Variants in PIK3C3 observed in about 807,000 individuals in gnomAD.
PIK3C3 encodes phosphatidylinositol 3-kinase catalytic subunit type 3, also known as PI3-kinase type 3.
PIK3C3 carries 95 observed loss-of-function variants against 126.1 expected under a neutral mutation model. That is an observed-to-expected ratio of 0.75 (90% confidence interval 0.64 to 0.89). The LOEUF (loss-of-function observed/expected upper bound fraction) is 0.89, where lower values mean the gene tolerates loss of function less well. Ranked by LOEUF, PIK3C3 falls within the 40% of genes least tolerant of loss-of-function variation. The pLI, the probability that PIK3C3 is intolerant of heterozygous loss-of-function variation, is 0.00. For missense variants in PIK3C3, 829 were observed against 1,063.2 expected (o/e 0.78, Z 3.06); for synonymous variants, 374 against 360.0 (o/e 1.04, Z -0.44).
chr18:41,979,006 G>A (rs953441765), intron 4 of PIK3C3, among the ~76,000 whole-genome samples: 1 of 146,648 alleles, frequency 6.8e-6, no homozygotes, highest in African/African-American at 2.5e-5. Flanking sequence ...GAGGCAGGAG[G>A]ATTGCTTGAG....
rs1332410051 is a variant in PIK3C3, at chr18:42,083,564, G to C, written c.*2427G>C. ...AGCAAAAATCATTCTCCATATGATA[G>C]TTTTAGATGTTCCCCAGCTCATTTG... On this transcript the variant is annotated 3_prime_UTR_variant, in exon 25 of 25. Transcript: ENST00000262039. The C allele has an allele frequency of 6.6e-6, 1 of 152,094 alleles. No individual in the cohort carries two copies. The highest frequency in any genetic ancestry group is 2.4e-5 in the African/African-American group (1 of 41,422). The allele number at this position is 152,094 out of a possible 1,614,324, so 9.4% of individuals were successfully genotyped here. A position where few individuals can be genotyped will look rare whatever the true frequency, so the allele number is the denominator to read the frequency against.
intron 20 of PIK3C3, among the ~76,000 whole-genome samples, chr18:42,044,215 G>A (rs1244438756): frequency 6.6e-6 from 1 of 152,158 alleles, no homozygotes; most frequent in African/African-American, 2.4e-5. Context: ...TTAAGAGGGT[G>A]CCCTTGTGGT....
intron 1 of PIK3C3, 48 bp downstream of exon 1, chr18:41,955,407 C>T (rs1249405215): frequency 2.6e-6 from 4 of 1,513,424 alleles, no homozygotes; most frequent in Middle Eastern, 1.9e-4. Flanking sequence ...GGCGTAGGGA[C>T]GTGGGGGCAG....
chr18:41,987,784 A>G (rs1161342525), intron 4 of PIK3C3, 28 bp from the exon 5 acceptor site: 1 of 1,531,164 alleles, frequency 6.5e-7, no homozygotes, highest in Non-Finnish European at 9.0e-7. Flanking sequence ...TGTATATTAA[A>G]ATTTTCGTCA....
intron 14 of PIK3C3, among the ~76,000 whole-genome samples, chr18:42,028,471 T>C (rs1245203646): frequency 1.3e-5 from 2 of 152,234 alleles, no homozygotes. Context: ...CATTAATCTG[T>C]GGCTTGCCGC....
At chr18:41,983,806 CT>C (rs1981328101) in intron 4 of PIK3C3, among the ~76,000 whole-genome samples, 1 of 152,082 alleles carries the variant, frequency 6.6e-6, no homozygotes, top group Admixed American at 6.5e-5. Flanking sequence ...TCTTTTTGTT[CT>C]TTCATTAAAT....
At chr18:42,073,541 A>C (rs1207256752) in intron 24 of PIK3C3, among the ~76,000 whole-genome samples, 1 of 152,180 alleles carries the variant, frequency 6.6e-6, no homozygotes, top group East Asian at 1.9e-4. Context: ...AGGTGATCCC[A>C]AAATTGAAAA....
intron 19 of PIK3C3, 24 bp downstream of exon 19, chr18:42,040,765 C>T: frequency 6.9e-7 from 1 of 1,444,152 alleles, no homozygotes; most frequent in Non-Finnish European, 9.7e-7. Context: ...AAAGATTATG[C>T]AATTCATGAA....
chr18:42,058,079 T>C (rs141552721), intron 22 of PIK3C3, 28 bp downstream of exon 22: 1 of 1,521,150 alleles, frequency 6.6e-7, no homozygotes, highest in Non-Finnish European at 8.8e-7. Context: ...GCACAGAGAA[T>C]TTGGGTAAAT....
chr18:41,977,765 G>C (rs1598860841), intron 4 of PIK3C3, among the ~76,000 whole-genome samples: 1 of 152,312 alleles, frequency 6.6e-6, no homozygotes, highest in Non-Finnish European at 1.5e-5. Flanking sequence ...AATTAGAAGT[G>C]TGAGCCACCA....
intron 21 of PIK3C3, chr18:42,053,136 A>G (rs778703824): frequency 6.6e-6 from 1 of 152,272 alleles, no homozygotes; most frequent in Admixed American, 6.5e-5. Flanking sequence ...GGGGACTTAA[A>G]CCAGACAAAC....
intron 9 of PIK3C3, among the ~76,000 whole-genome samples, chr18:42,000,107 G>A (rs180869465): frequency 4.1e-4 from 62 of 152,278 alleles, no homozygotes; most frequent in African/African-American, 1.3e-3. Context: ...AGGCTGGACT[G>A]CAATGGCATG....
At chr18:42,020,022 T>C (rs1028545716) in intron 12 of PIK3C3, among the ~76,000 whole-genome samples, 1 of 152,130 alleles carries the variant, frequency 6.6e-6, no homozygotes, top group Non-Finnish European at 1.5e-5. Flanking sequence ...TCTCCTAGTC[T>C]ACCGTAATAG....
chr18:42,061,815 G>A (rs1283727048), intron 22 of PIK3C3, among the ~76,000 whole-genome samples: 2 of 152,108 alleles, frequency 1.3e-5, no homozygotes, highest in Admixed American at 6.5e-5. Context: ...CAATAGAAGC[G>A]TGGATGGTTA....
At position 42,085,838 on chromosome 18, in the gene PIK3C3, C is replaced by T. The variant is rs1023520375; in HGVS notation, c.*4701C>T. On this transcript the variant is annotated 3_prime_UTR_variant, in exon 25 of 25. Transcript: ENST00000262039. ...GGCTGGCTCATGCCTGTAATGCCAG[C>T]ACTTTGGGAGGCCAAGGCAGGCAGA... is the stretch of plus-strand genomic sequence containing the variant. 4 of 152,222 alleles carry T rather than the reference C, an allele frequency of 2.6e-5. No homozygotes were observed. Among genetic ancestry groups the T allele is most frequent in the African/African-American group, 9.7e-5 (4 of 41,424 alleles). The allele number at this position is 152,222 out of a possible 1,614,324, so 9.4% of individuals were successfully genotyped here.
chr18:42,049,422 A>T, intron 20 of PIK3C3, 109 bp from the exon 21 acceptor site: 1 of 634,152 alleles, frequency 1.6e-6, no homozygotes. Context: ...AACCAGAGAC[A>T]TTAGAAAACA....
At chr18:42,036,240 A>G (rs1567993958) in intron 16 of PIK3C3, among the ~76,000 whole-genome samples, 1 of 152,138 alleles carries the variant, frequency 6.6e-6, no homozygotes, top group East Asian at 1.9e-4. Flanking sequence ...CCAGCATTTT[A>G]TAGGAAAGTT....
chr18:42,085,101 T>C lies in PIK3C3; in HGVS notation c.*3964T>C, dbSNP rs1986372211. On this transcript the variant is annotated 3_prime_UTR_variant, in exon 25 of 25. Coordinates refer to ENST00000262039, the MANE Select transcript of PIK3C3 (RefSeq NM_002647.4). ...AAATAATTTTTAACTGGCTATGTAG[T>C]TAAAAAACCTAACAAAAAGCACTTT... 1 of 152,206 alleles carries C rather than the reference T, an allele frequency of 6.6e-6. No homozygotes were observed. Among genetic ancestry groups the C allele is most frequent in the Non-Finnish European group, 1.5e-5 (1 of 68,038 alleles). 9.4% of individuals were successfully genotyped at this position (152,206 alleles called of 1,614,324 possible).
In PIK3C3 at chr18:42,009,591, C is replaced by G. The variant is rs61029666; in HGVS notation, c.1171-3851C>G. 3.1e-3 allele frequency among the ~76,000 whole-genome samples: 465 copies of G among 150,666 alleles called. 4 individuals carry two copies. The highest frequency in any genetic ancestry group is 9.4e-3 in the African/African-American group (380 of 40,538). On this transcript the variant is annotated intron_variant, in intron 10 of 24. Transcript: ENST00000262039. Reference sequence around the variant, plus strand: ...TACTGTAGTCTAAGTATGTAGACTACATTATGTAATGTACATTATGTAGAC... The same window carrying G: ...TACTGTAGTCTAAGTATGTAGACTAGATTATGTAATGTACATTATGTAGAC...
Sources: gnomAD v4.1 joint callset for allele counts (sites outside exome capture counted in the v4.1 genomes callset) on GRCh38, gnomAD v4.1.1 for gene constraint, MANE v1.5 for transcripts, NCBI Gene and HGNC (gene_info 2026-07-23, HGNC 2026-07-21) for gene names.